ZBTB20: variants seen among roughly 807,000 people sequenced by gnomAD.
The protein encoded by ZBTB20 is zinc finger and BTB domain-containing protein 20.
ZBTB20 carries 9 observed loss-of-function variants against 56.9 expected under a neutral mutation model. The observed-to-expected ratio is 0.16, with a 90% CI of 0.10 to 0.28. ZBTB20 has a LOEUF of 0.28. Among genes scored for constraint, ZBTB20 ranks in the 10% least tolerant of loss-of-function variants. The probability of loss-of-function intolerance (pLI) is 1.00; values close to 1 mark genes in which losing one functional copy is unlikely to be tolerated. For synonymous variants in ZBTB20, 417 were observed against 420.7 expected (o/e 0.99, Z 0.11); for missense variants, 655 against 1,003.0 (o/e 0.65, Z 4.69).
chr3:114,960,851 G>A (rs1265957665), intron 3 of ZBTB20, among the ~76,000 whole-genome samples: 1 of 152,030 alleles, frequency 6.6e-6, no homozygotes, highest in Non-Finnish European at 1.5e-5. Flanking sequence ...GCCTGCAAAG[G>A]ACATAGTGAG....
At chr3:114,515,481 G>A (rs1483695623) in intron 6 of ZBTB20, among the ~76,000 whole-genome samples, 1 of 152,174 alleles carries the variant, frequency 6.6e-6, no homozygotes, top group African/African-American at 2.4e-5. Context: ...CAGAATTACG[G>A]TTTCCAGCAT....
intron 6 of ZBTB20, among the ~76,000 whole-genome samples, chr3:114,621,028 T>C (rs2058284136): frequency 6.6e-6 from 1 of 152,228 alleles, no homozygotes; most frequent in Non-Finnish European, 1.5e-5. Context: ...AATGGGATCA[T>C]CTGTATATGT....
rs542819420 is a variant in ZBTB20, at chr3:114,624,417, G to A, written c.-295+69111C>T. On this transcript the variant is annotated intron_variant, in intron 6 of 11. Coordinates refer to ENST00000675478, the MANE Select transcript of ZBTB20 (RefSeq NM_001348800.3). ...GGAATGTACATTATTGTCTCCCGAC[G>A]GAAAACTTTACACCACACCAGAATG... Among the ~76,000 whole-genome samples the A allele has an allele frequency of 7.3e-5, 11 of 149,968 alleles. 1 individual carries two copies. In the South Asian group the frequency reaches 1.9e-3, roughly 26 times the overall value.
At chr3:114,664,583 C>T (rs1435606663) in intron 6 of ZBTB20, among the ~76,000 whole-genome samples, 1 of 147,088 alleles carries the variant, frequency 6.8e-6, no homozygotes, top group African/African-American at 2.6e-5. Context: ...TCTCATAGGT[C>T]TATTATTTGC....
intron 1 of ZBTB20, chr3:115,103,157 T>C (rs1427871013): frequency 2.0e-5 from 3 of 152,162 alleles, no homozygotes; most frequent in Admixed American, 2.0e-4. Flanking sequence ...TGTAATTGAC[T>C]ACCATACTAT....
chr3:115,138,443 T>C (rs2084713508), intron 1 of ZBTB20, among the ~76,000 whole-genome samples: 1 of 152,120 alleles, frequency 6.6e-6, no homozygotes, highest in Admixed American at 6.5e-5. Flanking sequence ...TCTTTCACCT[T>C]GTACCCTTCT....
intron 3 of ZBTB20, among the ~76,000 whole-genome samples, chr3:114,971,549 T>C (rs1387453793): frequency 6.6e-6 from 1 of 152,220 alleles, no homozygotes; most frequent in Non-Finnish European, 1.5e-5. Context: ...CTAGTTTATA[T>C]GCAGAAGTAA....
chr3:114,961,732 C>T (rs1355112497), intron 3 of ZBTB20, among the ~76,000 whole-genome samples: 1 of 152,076 alleles, frequency 6.6e-6, no homozygotes, highest in Non-Finnish European at 1.5e-5. Flanking sequence ...CATAACAGGG[C>T]TTCTTTGTTC....
At chr3:114,781,829 T>C (rs2070122550) in intron 5 of ZBTB20, among the ~76,000 whole-genome samples, 1 of 152,190 alleles carries the variant, frequency 6.6e-6, no homozygotes. Flanking sequence ...ATAAGGGGTT[T>C]CCCCTTTCGC....
In ZBTB20 at chr3:114,907,507, A is replaced by G. The variant is rs531765861; in HGVS notation, c.-455-7165T>C. Among the ~76,000 whole-genome samples, 19 of 151,946 alleles carry G rather than the reference A, an allele frequency of 1.3e-4. 1 individual carries two copies. The South Asian group carries it at 3.9e-3, about 31-fold the overall frequency. ...TAACAAAAGTAATCACCCCATCCCC[A>G]TACTTCTCAGGGAATATCTACCTGG... On this transcript the variant is annotated intron_variant, in intron 3 of 11. Transcript: ENST00000675478.
chr3:115,132,684 G>C (rs1048550724), intron 1 of ZBTB20, among the ~76,000 whole-genome samples: 2 of 152,068 alleles, frequency 1.3e-5, no homozygotes, highest in Admixed American at 1.3e-4. Context: ...AGGATCACTT[G>C]AACCCAGGAG....
At chr3:114,475,714 T>A (rs1403137289) in intron 7 of ZBTB20, among the ~76,000 whole-genome samples, 1 of 152,096 alleles carries the variant, frequency 6.6e-6, no homozygotes, top group African/African-American at 2.4e-5. Context: ...AAGCAAATAA[T>A]CTTATAGAAT....
chr3:114,503,392 T>C (rs1486061260), intron 6 of ZBTB20, among the ~76,000 whole-genome samples: 1 of 152,250 alleles, frequency 6.6e-6, no homozygotes, highest in East Asian at 1.9e-4. Flanking sequence ...TAAATGTTCA[T>C]AGGCATCAAA....
chr3:114,825,244 AAAG>A (rs1347211712), intron 4 of ZBTB20, among the ~76,000 whole-genome samples: 1 of 151,974 alleles, frequency 6.6e-6, no homozygotes, highest in African/African-American at 2.4e-5. Context: ...TGCATGCAAT[AAAG>A]AAGGAGGCAG....
Position 115,131,715 on chromosome 3 carries a change from C to T in ZBTB20, c.-703+15504G>A, listed in dbSNP as rs2084511144. On this transcript the variant is annotated intron_variant, in intron 1 of 11. Coordinates refer to ENST00000675478, the MANE Select transcript of ZBTB20 (RefSeq NM_001348800.3). ...GGTTTTTGGTAGTCTTACAAGACTGCATTTTATAACAGGTAGAATATATCA... is the reference window on the plus strand; with the variant it reads ...GGTTTTTGGTAGTCTTACAAGACTGTATTTTATAACAGGTAGAATATATCA... 2.6e-5 allele frequency among the ~76,000 whole-genome samples: 4 copies of T among 152,230 alleles called. No individual in the cohort carries two copies. The South Asian group carries it at 6.2e-4, about 24-fold the overall frequency.
chr3:115,014,398 A>G (rs1293401860), intron 2 of ZBTB20, among the ~76,000 whole-genome samples: 1 of 151,722 alleles, frequency 6.6e-6, no homozygotes, highest in Non-Finnish European at 1.5e-5. Flanking sequence ...GTACATTTTA[A>G]AAAAACTAAA....
rs181127489 is a variant in ZBTB20 at position 114,856,148 on chromosome 3, C to A, written c.-417+44156G>T. 4.8e-3 allele frequency among the ~76,000 whole-genome samples: 734 copies of A among 152,208 alleles called. 3 individuals carry two copies. The highest frequency in any genetic ancestry group is 0.025 in the South Asian group (120 of 4,828). On this transcript the variant is annotated intron_variant, in intron 4 of 11. Coordinates refer to ENST00000675478, the MANE Select transcript of ZBTB20 (RefSeq NM_001348800.3). ...AATGAGGGGGTTGATTACTAAGTGA[C>A]GTCTAAGAGCCCTTCTAGAGATAAA...
chr3:114,657,417 T>C (rs2060474798), intron 6 of ZBTB20, among the ~76,000 whole-genome samples: 1 of 152,236 alleles, frequency 6.6e-6, no homozygotes, highest in Non-Finnish European at 1.5e-5. Context: ...CTTCATCTAA[T>C]GTATCTGTTC....
At chr3:114,883,917 T>C (rs2971234) in intron 4 of ZBTB20, among the ~76,000 whole-genome samples, 1,165 of 6,172 alleles carry the variant, frequency 0.19, 137 homozygotes, top group East Asian at 0.64. Context: ...TGGTGTGTTC[T>C]TTTTTTTTTT....
Sources: gnomAD v4.1 joint callset for allele counts (sites outside exome capture counted in the v4.1 genomes callset) on GRCh38, gnomAD v4.1.1 for gene constraint, MANE v1.5 for transcripts, NCBI Gene and HGNC (gene_info 2026-07-23, HGNC 2026-07-21) for gene names.